Variants in SH3RF3 observed in about 807,000 individuals in gnomAD.
SH3RF3 encodes the protein SH3 domain containing ring finger 3.
A neutral mutation model predicts 66.3 loss-of-function variants in SH3RF3; 29 were observed. The observed-to-expected ratio is 0.44, with a 90% CI of 0.33 to 0.60. The LOEUF (loss-of-function observed/expected upper bound fraction) is 0.60. Among genes scored for constraint, SH3RF3 ranks in the 20% least tolerant of loss-of-function variants. The pLI, the probability that SH3RF3 is intolerant of heterozygous loss-of-function variation, is 0.04. For synonymous variants in SH3RF3, 583 were observed against 532.0 expected, an observed-to-expected ratio of 1.10 and a Z score of -1.32; for missense variants, 1,194 against 1,190.9, an observed-to-expected ratio of 1.00 and a Z score of -0.04.
At position 109,129,756 on chromosome 2, in the gene SH3RF3, A is replaced by G. The variant is rs1676639767; in HGVS notation, c.216A>G (p.Pro72=). Residue 72 remains proline (P), a synonymous_variant, in exon 1 of 10, where the codon CCA becomes CCG. Transcript: ENST00000309415. ...ERLDTTAKVL[P]CQHTFCRRCL... Reference sequence around the variant, plus strand: ...TGGACACCACGGCCAAGGTGCTGCCATGCCAACACACTTTCTGCCGCCGCT... The same window carrying G: ...TGGACACCACGGCCAAGGTGCTGCCGTGCCAACACACTTTCTGCCGCCGCT... The G allele has an allele frequency of 1.1e-5, 17 of 1,539,912 alleles. No homozygotes were observed. Among genetic ancestry groups the G allele is most frequent in the Non-Finnish European group, 1.5e-5 (17 of 1,145,376 alleles).
chr2:109,199,602 T>TC (rs1558953936), intron 1 of SH3RF3, among the ~76,000 whole-genome samples: 13 of 340 alleles, frequency 0.038, no homozygotes, highest in Non-Finnish European at 0.049. Flanking sequence ...TGGAATGGAA[T>TC]GGAATGGAAT....
Position 109,325,311 on chromosome 2 carries a change from A to ATTTC in SH3RF3, c.574-22343_574-22340dup, listed in dbSNP as rs1184978946. Among the ~76,000 whole-genome samples, 425 of 119,266 alleles carry ATTTC rather than the reference A, an allele frequency of 3.6e-3. 10 individuals carry two copies. The highest frequency in any genetic ancestry group is 0.032 in the East Asian group (118 of 3,686). 78.2% of individuals were successfully genotyped at this position (119,266 alleles called of 152,430 possible). A position where few individuals can be genotyped will look rare whatever the true frequency, so the allele number is the denominator to read the frequency against. On this transcript the variant is annotated intron_variant, in intron 1 of 9. Coordinates refer to ENST00000309415, the MANE Select transcript of SH3RF3 (RefSeq NM_001099289.3). ...ATTGGATTTCAGGGACTGCCATTTA[A>ATTTC]TTTCTTTCTTTCTTTCTTTCTTTTT...
intron 4 of SH3RF3, among the ~76,000 whole-genome samples, chr2:109,405,541 C>A (rs911556851): frequency 2.0e-5 from 3 of 152,186 alleles, no homozygotes; most frequent in African/African-American, 7.2e-5. Context: ...CCCGAAACTG[C>A]CGTAGCTAAT....
intron 7 of SH3RF3, among the ~76,000 whole-genome samples, chr2:109,441,585 T>G (rs1328924691): frequency 6.6e-6 from 1 of 152,226 alleles, no homozygotes; most frequent in African/African-American, 2.4e-5. Context: ...ATACGTGTAA[T>G]TGGAGGTCTC....
intron 1 of SH3RF3, among the ~76,000 whole-genome samples, chr2:109,236,817 G>C (rs897389127): frequency 1.3e-5 from 2 of 152,180 alleles, no homozygotes; most frequent in African/African-American, 4.8e-5. Flanking sequence ...CATTTAAGAG[G>C]ACTCTCCTCA....
chr2:109,341,031 C>T (rs1682543920), intron 1 of SH3RF3, among the ~76,000 whole-genome samples: 1 of 152,196 alleles, frequency 6.6e-6, no homozygotes, highest in African/African-American at 2.4e-5. Flanking sequence ...TTAGTAGTGG[C>T]CTCGTCACCC....
chr2:109,227,554 C>A (rs1187830610), intron 1 of SH3RF3, among the ~76,000 whole-genome samples: 4 of 152,176 alleles, frequency 2.6e-5, no homozygotes, highest in Admixed American at 2.6e-4. Context: ...TGCCCTTCAT[C>A]CCTGTCTGCT....
rs1679391706 is a variant in SH3RF3 at position 109,501,697 on chromosome 2, C to T, written c.*26C>T. On this transcript the variant is annotated 3_prime_UTR_variant, in exon 10 of 10. Transcript: ENST00000309415. ...GAACTGGTGCTCCCTGCACCCAGCTCACAGAGGGGGAGGCCGCCTGGGAAG... is the reference window on the plus strand; with the variant it reads ...GAACTGGTGCTCCCTGCACCCAGCTTACAGAGGGGGAGGCCGCCTGGGAAG... 1.4e-6 allele frequency: 1 copy of T among 738,222 alleles called. No homozygotes were observed. The allele number at this position is 738,222 out of a possible 1,614,324, so 45.7% of individuals were successfully genotyped here.
chr2:109,300,341 G>A (rs773794792), intron 1 of SH3RF3, among the ~76,000 whole-genome samples: 1 of 152,104 alleles, frequency 6.6e-6, no homozygotes, highest in African/African-American at 2.4e-5. Flanking sequence ...CACCATGTCT[G>A]GCTAATTTTT....
intron 3 of SH3RF3, among the ~76,000 whole-genome samples, chr2:109,373,288 C>T (rs1199274096): frequency 2.0e-5 from 3 of 152,210 alleles, no homozygotes; most frequent in Non-Finnish European, 4.4e-5. Context: ...TCTGAGCTCT[C>T]GGACATTTTT....
intron 1 of SH3RF3, among the ~76,000 whole-genome samples, chr2:109,311,788 C>T (rs534064438): frequency 6.6e-6 from 1 of 151,584 alleles, no homozygotes; most frequent in South Asian, 2.1e-4. Flanking sequence ...ATCAAGGCTA[C>T]CCATATGGCA....
chr2:109,284,279 C>CTGTATTAGT (rs1241871490), intron 1 of SH3RF3, among the ~76,000 whole-genome samples: 21 of 152,224 alleles, frequency 1.4e-4, no homozygotes, highest in Admixed American at 1.0e-3. Context: ...AGCATCTTCA[C>CTGTATTAGT]TGTATTAGTA....
At chr2:109,188,649 C>T (rs1225413401) in intron 1 of SH3RF3, among the ~76,000 whole-genome samples, 2 of 152,128 alleles carry the variant, frequency 1.3e-5, no homozygotes, top group Admixed American at 6.5e-5. Flanking sequence ...GGCTGCATGC[C>T]GAGGGCTGGA....
chr2:109,244,660 A>G (rs1465862366), intron 1 of SH3RF3, among the ~76,000 whole-genome samples: 1 of 152,198 alleles, frequency 6.6e-6, no homozygotes, highest in Non-Finnish European at 1.5e-5. Flanking sequence ...CTGTTAGGCA[A>G]ACACAGGGAG....
intron 4 of SH3RF3, among the ~76,000 whole-genome samples, chr2:109,412,265 G>GC (rs1559069707): frequency 1.3e-5 from 2 of 152,216 alleles, no homozygotes; most frequent in African/African-American, 4.8e-5. Flanking sequence ...CAAACACATT[G>GC]CCCCCCTTTC....
chr2:109,181,021 C>G (rs1036326412), intron 1 of SH3RF3, among the ~76,000 whole-genome samples: 27 of 152,208 alleles, frequency 1.8e-4, no homozygotes, highest in African/African-American at 5.5e-4. Flanking sequence ...TTTTCCCCTT[C>G]TTGACAAAGT....
intron 8 of SH3RF3, among the ~76,000 whole-genome samples, chr2:109,475,252 C>T (rs1678654004): frequency 6.6e-6 from 1 of 152,236 alleles, no homozygotes; most frequent in South Asian, 2.1e-4. Context: ...GCTAGGATTA[C>T]AGGCGTGAGC....
At chr2:109,440,957 T>G (rs1166292172) in intron 7 of SH3RF3, among the ~76,000 whole-genome samples, 1 of 152,038 alleles carries the variant, frequency 6.6e-6, no homozygotes, top group African/African-American at 2.4e-5. Context: ...ACGGAAAAAT[T>G]GCAGAAATCA....
At position 109,297,546 on chromosome 2, in the gene SH3RF3, C is replaced by G. The variant is rs546636588; in HGVS notation, c.574-50128C>G. 7.7e-4 allele frequency among the ~76,000 whole-genome samples: 115 copies of G among 149,940 alleles called. 3 individuals are homozygous for G. In the South Asian group the frequency reaches 0.016, roughly 21 times the overall value. On this transcript the variant is annotated intron_variant, in intron 1 of 9. Coordinates refer to ENST00000309415, the MANE Select transcript of SH3RF3 (RefSeq NM_001099289.3). ...GCCTCCCACCCAGGCCAGTGCCCCC[C>G]ACCCAAGTCAATGCCTCCCACCTAG...
Sources: gnomAD v4.1 joint callset for allele counts (sites outside exome capture counted in the v4.1 genomes callset) on GRCh38, gnomAD v4.1.1 for gene constraint, MANE v1.5 for transcripts, NCBI Gene and HGNC (gene_info 2026-07-23, HGNC 2026-07-21) for gene names.